The following SLC25A48 variants were observed in gnomAD, a reference collection of about 807,000 sequenced individuals.
SLC25A48 encodes solute carrier family 25 member 48.
Under a neutral mutation model 32.2 loss-of-function variants are expected in SLC25A48, and 29 were observed. The observed-to-expected ratio is 0.90, with a 90% confidence interval of 0.67 to 1.23. The LOEUF (loss-of-function observed/expected upper bound fraction) is 1.23. Ranked by LOEUF, SLC25A48 falls within the 50% of genes most tolerant of loss-of-function variation. The pLI is 0.00. For synonymous variants in SLC25A48, 164 were observed against 172.3 expected, an observed-to-expected ratio of 0.95 and a Z score of 0.38; for missense variants, 399 against 422.7, an observed-to-expected ratio of 0.94 and a Z score of 0.49.
intron 3 of SLC25A48, among the ~76,000 whole-genome samples, chr5:135,743,725 C>A (rs1230254012): frequency 6.6e-6 from 1 of 152,230 alleles, no homozygotes. Context: ...TGGATCAAAG[C>A]ATTCTACATT....
intron 3 of SLC25A48, among the ~76,000 whole-genome samples, chr5:135,734,821 C>CA (rs1186711507): frequency 0.45 from 51,438 of 115,352 alleles, 10,897 homozygotes; most frequent in Non-Finnish European, 0.53. Context: ...CATCTCAAAA[C>CA]AAAAAAAAAA....
intron 3 of SLC25A48, among the ~76,000 whole-genome samples, chr5:135,704,400 T>C (rs1282775617): frequency 6.6e-6 from 1 of 152,186 alleles, no homozygotes; most frequent in Non-Finnish European, 1.5e-5. Flanking sequence ...TTTTGTTAAA[T>C]ATTGACTAGG....
At chr5:135,609,056 G>C (rs1458770545) in intron 1 of SLC25A48, among the ~76,000 whole-genome samples, 3 of 152,224 alleles carry the variant, frequency 2.0e-5, no homozygotes, top group Non-Finnish European at 4.4e-5. Context: ...GGTGGAAGGG[G>C]CATGGGTCTT....
chr5:135,628,785 C>G (rs1425452059), intron 1 of SLC25A48, among the ~76,000 whole-genome samples: 1 of 152,132 alleles, frequency 6.6e-6, no homozygotes, highest in Non-Finnish European at 1.5e-5. Flanking sequence ...TTCATTCCCA[C>G]CTGTCCTCCC....
chr5:135,665,405 C>G (rs1041560524), intron 3 of SLC25A48, among the ~76,000 whole-genome samples: 1 of 152,000 alleles, frequency 6.6e-6, no homozygotes, highest in Non-Finnish European at 1.5e-5. Flanking sequence ...ATTTCTTTTG[C>G]TGTACAAAAG....
At chr5:135,843,320 G>T (rs1426083085) in intron 2 of SLC25A48, among the ~76,000 whole-genome samples, 3 of 152,230 alleles carry the variant, frequency 2.0e-5, no homozygotes, top group East Asian at 1.9e-4. Flanking sequence ...TATATAGGAG[G>T]GGGGTAAGGT....
intron 7 of SLC25A48, among the ~76,000 whole-genome samples, chr5:135,885,089 C>T (rs1031275854): frequency 6.6e-6 from 1 of 152,128 alleles, no homozygotes; most frequent in African/African-American, 2.4e-5. Flanking sequence ...TCGCCAGCAG[C>T]CATGATGATG....
intron 3 of SLC25A48, among the ~76,000 whole-genome samples, chr5:135,704,469 C>A (rs1345636339): frequency 6.6e-6 from 1 of 152,180 alleles, no homozygotes; most frequent in Non-Finnish European, 1.5e-5. Flanking sequence ...GATGTGTGGT[C>A]TTTTGGCTAA....
At chr5:135,807,525 A>T (rs1242656884) in intron 3 of SLC25A48, among the ~76,000 whole-genome samples, 1 of 150,546 alleles carries the variant, frequency 6.6e-6, no homozygotes, top group Non-Finnish European at 1.5e-5. Context: ...TATTAGTATC[A>T]CAGGTGTTAA....
intron 3 of SLC25A48, among the ~76,000 whole-genome samples, chr5:135,647,075 C>T (rs139738237): frequency 3.3e-3 from 265 of 79,516 alleles, no homozygotes; most frequent in African/African-American, 0.013. Flanking sequence ...GTAATCATTT[C>T]GCAATGTGTA....
At chr5:135,745,784 C>T (rs1334361489) in intron 3 of SLC25A48, among the ~76,000 whole-genome samples, 1 of 152,168 alleles carries the variant, frequency 6.6e-6, no homozygotes, top group African/African-American at 2.4e-5. Context: ...ACAGTACCTA[C>T]GAGGCGGTCA....
chr5:135,814,614 G>A (rs1757671421), intron 4 of SLC25A48, among the ~76,000 whole-genome samples: 1 of 152,206 alleles, frequency 6.6e-6, no homozygotes, highest in Non-Finnish European at 1.5e-5. Flanking sequence ...GGGGCTAGAA[G>A]CACAGGCTCC....
chr5:135,738,170 T>A (rs1481685113), intron 3 of SLC25A48, among the ~76,000 whole-genome samples: 1 of 151,772 alleles, frequency 6.6e-6, no homozygotes, highest in Non-Finnish European at 1.5e-5. Flanking sequence ...CCTTGGGGAG[T>A]GAATCTTGAG....
chr5:135,820,225 C>T (rs1757849420), intron 4 of SLC25A48, among the ~76,000 whole-genome samples: 1 of 152,136 alleles, frequency 6.6e-6, no homozygotes, highest in Non-Finnish European at 1.5e-5. Context: ...TACTACTCCT[C>T]AATAAAAAGG....
At chr5:135,838,143 A>T (rs1758685426) in intron 1 of SLC25A48, among the ~76,000 whole-genome samples, 1 of 152,210 alleles carries the variant, frequency 6.6e-6, no homozygotes, top group Admixed American at 6.5e-5. Context: ...GACTCTTGCT[A>T]TGTTTTAGCA....
At chr5:135,886,663 TGTGTGTGTGTGAGA>T (rs1286459722) in intron 7 of SLC25A48, among the ~76,000 whole-genome samples, 1 of 100,186 alleles carries the variant, frequency 1.0e-5, no homozygotes, top group African/African-American at 4.7e-5. Flanking sequence ...TGTGTGTGTG[TGTGTGTGTGTGAGA>T]GAGAGAGAGA....
At chr5:135,785,005 T>C (rs756970104) in intron 3 of SLC25A48, among the ~76,000 whole-genome samples, 1 of 58,200 alleles carries the variant, frequency 1.7e-5, no homozygotes, top group Non-Finnish European at 6.5e-5. Flanking sequence ...AATATTTTTC[T>C]TAATATCATA....
At chr5:135,885,870 A>G (rs538961523) in intron 7 of SLC25A48, among the ~76,000 whole-genome samples, 50 of 152,354 alleles carry the variant, frequency 3.3e-4, no homozygotes, top group South Asian at 2.5e-3. Flanking sequence ...TCATGGAAAT[A>G]TGTCAGCAAC....
At chr5:135,785,712 G>A (rs979441496) in intron 3 of SLC25A48, among the ~76,000 whole-genome samples, 15 of 150,156 alleles carry the variant, frequency 1.0e-4, no homozygotes, top group Admixed American at 9.9e-4. Flanking sequence ...ATATCCAGAG[G>A]GGAGAGGGAG....
Sources: gnomAD v4.1 joint callset for allele counts (sites outside exome capture counted in the v4.1 genomes callset) on GRCh38, gnomAD v4.1.1 for gene constraint, MANE v1.5 for transcripts, NCBI Gene and HGNC (gene_info 2026-07-23, HGNC 2026-07-21) for gene names.